The following ECE2 variants were observed in gnomAD, a reference collection of about 807,000 sequenced individuals.
ECE2 encodes the protein endothelin-converting enzyme 2.
Under a neutral mutation model 100.6 loss-of-function variants are expected in ECE2, and 81 were observed. The ratio of observed to expected loss-of-function variants is 0.81; its 90% CI spans 0.67 to 0.97. The LOEUF is 0.97. ECE2 is among the 50% of genes least tolerant of loss of function. The probability of loss-of-function intolerance (pLI) is 0.00; values close to 1 mark genes in which losing one functional copy is unlikely to be tolerated. For synonymous variants in ECE2, 391 were observed against 391.5 expected (o/e 1.00, Z 0.02); for missense variants, 911 against 988.1 (o/e 0.92, Z 1.05).
chr3:184,285,039 C>T lies in ECE2; in HGVS notation c.1082C>T (p.Pro361Leu). 1 of 1,614,114 alleles carries T rather than the reference C, an allele frequency of 6.2e-7. No homozygotes were observed. The highest frequency in any genetic ancestry group is 2.2e-5 in the East Asian group (1 of 44,880). ...LSPLELSDSE[P>L]VVVYGMDYLQ... is the part of the protein sequence containing the mutation. ...CCATTGGAGTTGAGTGACTCTGAGC[C>T]TGTGGTGGTGTATGGGATGGATTAT... The change falls in exon 9 of 19, where the codon CCT becomes CTT. Residue 361 changes from proline (P) to leucine (L), a missense_variant. Pro to Leu is a moderately conservative substitution (Grantham distance 98, BLOSUM62 -3). Transcript: ENST00000404464.
Position 184,292,118 on chromosome 3 carries a change from C to G in ECE2, c.2178C>G (p.Pro726=). The G allele has an allele frequency of 1.9e-6, 3 of 1,614,042 alleles. No individual in the cohort carries two copies. The highest frequency in any genetic ancestry group is 2.5e-6 in the Non-Finnish European group (3 of 1,180,016). The part of the protein sequence containing the change: ...ESSHEGLVTD[P]HSPARFRVLG... ...CTCACGAGGGGCTGGTGACCGACCC[C>G]CACAGCCCTGCCCGCTTCCGCGTGC... is the stretch of plus-strand genomic sequence containing the variant. The change falls in exon 19 of 19, where the codon CCC becomes CCG. Residue 726 remains proline, a synonymous_variant. Transcript: ENST00000404464.
Position 184,277,360 on chromosome 3 carries a change from C to T in ECE2, c.372C>T (p.Ser124=). The T allele has an allele frequency of 1.2e-6, 2 of 1,614,220 alleles. No homozygotes were observed. Among genetic ancestry groups the T allele is most frequent in the East Asian group, 2.2e-5 (1 of 44,880 alleles). The change falls in exon 4 of 19, where the codon TCC becomes TCT. Residue 124 remains serine, a synonymous_variant. Coordinates refer to ENST00000404464, the MANE Select transcript of ECE2 (RefSeq NM_001100121.2). ...CCTGTGAGGACTTTTACCAGTTCTC[C>T]TGTGGGGGCTGGATTCGGAGGAACC... is the stretch of plus-strand genomic sequence containing the variant. ...VSPCEDFYQF[S]CGGWIRRNPL... is the part of the protein sequence containing the mutation.
rs750986114 is a variant in ECE2, at chr3:184,289,520, G to A, written c.1458G>A (p.Gln486=). The A allele has an allele frequency of 2.5e-6, 4 of 1,613,188 alleles. No individual in the cohort carries two copies. Among genetic ancestry groups the A allele is most frequent in the East Asian group, 2.2e-5 (1 of 44,874 alleles). ...QLVWMDEKTR[Q]AAKEKADAIY... ...TTTGGATGGATGAGAAGACCCGCCA[G>A]GCAGCCAAGGAGAAAGTGAGCGGTG... The change falls in exon 12 of 19, where the codon CAG becomes CAA. Residue 486 remains glutamine (Q), a synonymous_variant. Transcript: ENST00000404464. This position sits in a 1 kb window ranked among gnomAD's most constrained non-coding sequence, Gnocchi z 4.1.
chr3:184,287,838 C>A lies in ECE2; in HGVS notation c.1265C>A (p.Ser422Tyr), dbSNP rs1323709926. 1 of 1,614,036 alleles carries A rather than the reference C, an allele frequency of 6.2e-7. No homozygotes were observed. The highest frequency in any genetic ancestry group is 1.1e-5 in the South Asian group (1 of 91,078). ...TCCTGGCTCTTTGTCCTTTAACAGT[C>A]CTGTGTGCCGAGGTGGCAGACCTGC... is the stretch of plus-strand genomic sequence containing the variant. ...LLETLYGTKK[S>Y]CVPRWQTCIS... The change falls in exon 11 of 19, where the codon TCC (serine) becomes TAC (tyrosine). Residue 422 changes from serine (S) to tyrosine (Y), a missense_variant and splice_region_variant. By Grantham distance (144) the Ser-to-Tyr change is moderately radical. Coordinates refer to ENST00000404464, the MANE Select transcript of ECE2 (RefSeq NM_001100121.2).
At chr3:184,283,589 A>G (rs569171381) in intron 7 of ECE2, among the ~76,000 whole-genome samples, 196 bp from the exon 8 acceptor site, 130 of 143,286 alleles carry the variant, frequency 9.1e-4, no homozygotes, top group African/African-American at 2.4e-3. Context: ...AAAAAAAAAA[A>G]AAGAAGAAGA....
chr3:184,284,109 A>T, intron 8 of ECE2, 136 bp downstream of exon 8: 1 of 1,096,768 alleles, frequency 9.1e-7, no homozygotes, highest in Non-Finnish European at 1.3e-6. Context: ...CCCCAGCTGC[A>T]CTGCTGCTGT....
Position 184,276,107 on chromosome 3 carries a change from G to A in ECE2, c.-47G>A. On this transcript the variant is annotated 5_prime_UTR_variant, in exon 1 of 19. Transcript: ENST00000404464. ...GGGACCGGGGCCGCGGCCCGGGAGC[G>A]GGCCAGCTGCCGGGAGCCCTGAATC... 1.6e-6 allele frequency: 2 copies of A among 1,274,354 alleles called. No homozygotes were observed. Among genetic ancestry groups the A allele is most frequent in the Non-Finnish European group, 2.0e-6 (2 of 1,012,462 alleles). 78.9% of individuals were successfully genotyped at this position (1,274,354 alleles called of 1,614,324 possible).
chr3:184,282,030 C>T (rs551639232), intron 7 of ECE2, among the ~76,000 whole-genome samples: 4 of 151,676 alleles, frequency 2.6e-5, no homozygotes, highest in Admixed American at 2.0e-4. Context: ...ACCCGGGAGG[C>T]GGAGGTTGCA....
chr3:184,278,072 G>A (rs1720646086), intron 5 of ECE2, 23 bp downstream of exon 5: 2 of 1,613,752 alleles, frequency 1.2e-6, no homozygotes, highest in Non-Finnish European at 1.7e-6. Context: ...AGCCGGTTGA[G>A]GGCAGGGGAG....
Position 184,283,876 on chromosome 3 carries a change from T to C in ECE2, c.908T>C (p.Leu303Pro). ...ACGAGGGAGCAGATGCAGCAGGTGC[T>C]GGAGTTGGAGATACAGCTGGCCAAC... The part of the protein sequence containing the change: ...TSTREQMQQV[L>P]ELEIQLANIT... The change falls in exon 8 of 19, where the codon CTG becomes CCG. Residue 303 changes from leucine (L) to proline (P), a missense_variant. Leu to Pro is a moderately conservative substitution (Grantham distance 98). Coordinates refer to ENST00000404464, the MANE Select transcript of ECE2 (RefSeq NM_001100121.2). The C allele has an allele frequency of 6.2e-7, 1 of 1,613,886 alleles. No individual in the cohort carries two copies. The highest frequency in any genetic ancestry group is 8.5e-7 in the Non-Finnish European group (1 of 1,179,972).
rs1721306064 is a variant in ECE2, at chr3:184,291,325, C to G, written c.2026-19C>G. ...GGGGCAGGCCTGGATGGGCTTGTTGCCCACTGTTCTGTCCCCAGGCTTACA... is the reference window on the plus strand; with the variant it reads ...GGGGCAGGCCTGGATGGGCTTGTTGGCCACTGTTCTGTCCCCAGGCTTACA... On this transcript the variant is annotated intron_variant, in intron 17 of 18. Coordinates refer to ENST00000404464, the MANE Select transcript of ECE2 (RefSeq NM_001100121.2). This position sits in a 1 kb window ranked among gnomAD's most constrained non-coding sequence, Gnocchi z 4.1. 1 of 1,593,948 alleles carries G rather than the reference C, an allele frequency of 6.3e-7. No individual in the cohort carries two copies. The highest frequency in any genetic ancestry group is 1.3e-5 in the African/African-American group (1 of 74,582).
chr3:184,290,042 C>T (rs1296412151), intron 13 of ECE2, among the ~76,000 whole-genome samples: 2 of 152,164 alleles, frequency 1.3e-5, no homozygotes. Context: ...GTGCCTTCCT[C>T]ATAGGGTTGT....
chr3:184,282,835 C>T (rs536299958), intron 7 of ECE2, among the ~76,000 whole-genome samples: 6 of 152,198 alleles, frequency 3.9e-5, no homozygotes, highest in African/African-American at 1.4e-4. Flanking sequence ...GGAAAAGATA[C>T]ACTGTATGGA....
chr3:184,283,676 C>G, intron 7 of ECE2, 109 bp from the exon 8 acceptor site: 1 of 1,167,932 alleles, frequency 8.6e-7, no homozygotes, highest in Non-Finnish European at 1.2e-6. Flanking sequence ...AGAAAGGCTT[C>G]CAGAAGGATC....
Position 184,289,738 on chromosome 3 carries a change from A to G in ECE2, c.1551+20A>G. On this transcript the variant is annotated intron_variant, in intron 13 of 18. Coordinates refer to ENST00000404464, the MANE Select transcript of ECE2 (RefSeq NM_001100121.2). This position sits in a 1 kb window ranked among gnomAD's most constrained non-coding sequence, Gnocchi z 4.1. The stretch of plus-strand genomic sequence containing the variant: ...GACGGGGTGAGTACCTACGCTCATC[A>G]GTACTGAACTTCAGCCCTGTAGAGG... 1.3e-6 allele frequency: 2 copies of G among 1,595,558 alleles called. No individual in the cohort carries two copies. Among genetic ancestry groups the G allele is most frequent in the Non-Finnish European group, 1.7e-6 (2 of 1,170,088 alleles).
Position 184,292,235 on chromosome 3 carries a change from G to A in ECE2, c.2295G>A (p.Trp765Ter), listed in dbSNP as rs1452248872. 5 of 1,613,904 alleles carry A rather than the reference G, an allele frequency of 3.1e-6. No individual in the cohort carries two copies. The highest frequency in any genetic ancestry group is 4.2e-6 in the Non-Finnish European group (5 of 1,179,962). Residue 765 changes from tryptophan to a stop codon, truncating the protein, a stop_gained, in exon 19 of 19, where the codon TGG becomes TGA. Transcript: ENST00000404464. LOFTEE classifies it high-confidence loss of function. ...ACCCAGGGCAGCTGTGTGAGGTGTGGTAGACCTGGATCAGGGGAGAAATGG... is the reference window on the plus strand; with the variant it reads ...ACCCAGGGCAGCTGTGTGAGGTGTGATAGACCTGGATCAGGGGAGAAATGG... ...PMNPGQLCEV[W>*]
intron 7 of ECE2, among the ~76,000 whole-genome samples, chr3:184,282,954 A>C (rs1720868669): frequency 6.6e-6 from 1 of 152,168 alleles, no homozygotes; most frequent in Non-Finnish European, 1.5e-5. Context: ...GAAAGCAGCT[A>C]GCTTGAGGCC....
At position 184,287,945 on chromosome 3, in the gene ECE2, A is replaced by C. The variant is rs1721131871; in HGVS notation, c.1372A>C (p.Ile458Leu). ...KATFDRQSKE[I>L]AEGMISEIRT... is the part of the protein sequence containing the mutation. Reference sequence around the variant, plus strand: ...CACGTTTGACCGGCAAAGCAAAGAAATTGTGAGTCTACAAGATTCTTTCAA... The same window carrying C: ...CACGTTTGACCGGCAAAGCAAAGAACTTGTGAGTCTACAAGATTCTTTCAA... The change falls in exon 11 of 19, where the codon ATT becomes CTT. Residue 458 changes from isoleucine (I) to leucine (L), a missense_variant and splice_region_variant. Physicochemically the swap from Ile to Leu is conservative, Grantham distance 5 (BLOSUM62 2). Coordinates refer to ENST00000404464, the MANE Select transcript of ECE2 (RefSeq NM_001100121.2). The C allele has an allele frequency of 2.5e-6, 4 of 1,613,512 alleles. No individual in the cohort carries two copies. In the East Asian group the frequency reaches 8.9e-5, roughly 36 times the overall value.
At chr3:184,280,329 C>G (rs1720763866) in intron 7 of ECE2, among the ~76,000 whole-genome samples, 1 of 152,192 alleles carries the variant, frequency 6.6e-6, no homozygotes, top group Non-Finnish European at 1.5e-5. Flanking sequence ...GGGATCATAG[C>G]ATCAACCTCA....
Sources: gnomAD v4.1 joint callset for allele counts (sites outside exome capture counted in the v4.1 genomes callset) on GRCh38, gnomAD v4.1.1 for gene constraint, Gnocchi (gnomAD v3.1) non-coding constraint, MANE v1.5 for transcripts, NCBI Gene and HGNC (gene_info 2026-07-23, HGNC 2026-07-21) for gene names.